RABGAP1L: variants seen among roughly 807,000 people sequenced by gnomAD.
The protein encoded by RABGAP1L is rab GTPase-activating protein 1-like.
RABGAP1L carries 63 observed loss-of-function variants against 137.7 expected under a neutral mutation model. The observed-to-expected ratio is 0.46, with a 90% CI of 0.37 to 0.56. RABGAP1L has a LOEUF of 0.56. RABGAP1L is among the 20% of genes least tolerant of loss of function. The pLI, the probability that RABGAP1L is intolerant of heterozygous loss-of-function variation, is 0.00. For synonymous variants in RABGAP1L, 431 were observed against 433.7 expected (o/e 0.99, Z 0.08); for missense variants, 1,095 against 1,244.0 (o/e 0.88, Z 1.80).
chr1:174,637,339 A>C (rs746122993), intron 13 of RABGAP1L, 36 bp from the exon 14 acceptor site: 4 of 1,453,270 alleles, frequency 2.8e-6, no homozygotes, highest in Non-Finnish European at 3.8e-6. Context: ...ACTGGGAAAA[A>C]ATTTAATAAC....
chr1:174,532,279 G>C (rs534041169), intron 13 of RABGAP1L, among the ~76,000 whole-genome samples: 67 of 151,850 alleles, frequency 4.4e-4, no homozygotes, highest in Non-Finnish European at 8.7e-4. Flanking sequence ...CACAGTCTCA[G>C]CTCACCGCAG....
intron 19 of RABGAP1L, among the ~76,000 whole-genome samples, chr1:174,892,896 A>ATTTTTTTTTTTTTTT (rs748971722): frequency 1.1e-5 from 1 of 91,866 alleles, no homozygotes; most frequent in Non-Finnish European, 2.0e-5. Context: ...CACCCAGCTA[A>ATTTTTTTTTTTTTTT]TTTTTTTTTT....
intron 20 of RABGAP1L, among the ~76,000 whole-genome samples, chr1:174,960,429 G>A (rs900339138): frequency 2.6e-5 from 4 of 151,950 alleles, no homozygotes; most frequent in African/African-American, 7.3e-5. Context: ...AGGTTATATC[G>A]CTGTAGTCAC....
intron 13 of RABGAP1L, among the ~76,000 whole-genome samples, chr1:174,513,388 G>A (rs903901872): frequency 5.3e-5 from 8 of 152,014 alleles, no homozygotes; most frequent in Admixed American, 1.3e-4. Context: ...CAGGAGGAAC[G>A]CTTGAGGCTA....
intron 11 of RABGAP1L, among the ~76,000 whole-genome samples, chr1:174,364,814 C>T (rs1342665377): frequency 6.6e-6 from 1 of 152,140 alleles, no homozygotes; most frequent in Non-Finnish European, 1.5e-5. Flanking sequence ...GGTGGTTGTT[C>T]AGGGCCCAAG....
chr1:174,838,386 A>G (rs574941439), intron 19 of RABGAP1L, among the ~76,000 whole-genome samples: 1 of 152,306 alleles, frequency 6.6e-6, no homozygotes, highest in Non-Finnish European at 1.5e-5. Context: ...AGCTAGATAC[A>G]TATAGATGGC....
At chr1:174,675,715 G>A (rs1484283426) in intron 14 of RABGAP1L, among the ~76,000 whole-genome samples, 3 of 152,098 alleles carry the variant, frequency 2.0e-5, no homozygotes. Flanking sequence ...CCATTACCTG[G>A]TTCTTAGATG....
intron 1 of RABGAP1L, among the ~76,000 whole-genome samples, chr1:174,193,777 T>G (rs1667374428): frequency 6.6e-6 from 1 of 152,170 alleles, no homozygotes; most frequent in Non-Finnish European, 1.5e-5. Flanking sequence ...CAACTGTACA[T>G]TAGTGAATAC....
At position 174,521,712 on chromosome 1, in the gene RABGAP1L, G is replaced by C. The variant is rs144335058; in HGVS notation, c.1711-115663G>C. On this transcript the variant is annotated intron_variant, in intron 13 of 25. Transcript: ENST00000681986. ...TTATAAGTTTGTAGTGGGGAAAACT[G>C]ACAAAAATCTGATGTATATATCAGC... Among the ~76,000 whole-genome samples the C allele has an allele frequency of 1.3e-3, 195 of 152,280 alleles. 1 individual carries two copies. Among genetic ancestry groups the C allele is most frequent in the African/African-American group, 4.6e-3 (191 of 41,562 alleles).
intron 19 of RABGAP1L, among the ~76,000 whole-genome samples, chr1:174,823,340 C>T (rs899514585): frequency 1.2e-4 from 18 of 152,194 alleles, no homozygotes; most frequent in African/African-American, 3.9e-4. Flanking sequence ...AACTTGTCTT[C>T]ACTATTGGGA....
chr1:174,219,410 ATGTTT>A, intron 2 of RABGAP1L, 115 bp downstream of exon 2: 1 of 733,778 alleles, frequency 1.4e-6, no homozygotes. Context: ...AATAAAATCA[ATGTTT>A]GATTTATCCA....
intron 14 of RABGAP1L, among the ~76,000 whole-genome samples, chr1:174,682,509 C>G (rs1678158228): frequency 6.7e-6 from 1 of 150,350 alleles, no homozygotes; most frequent in South Asian, 2.1e-4. Flanking sequence ...GCAACCAGTA[C>G]TATAAGTGTT....
At chr1:174,479,936 T>C (rs915958569) in intron 13 of RABGAP1L, among the ~76,000 whole-genome samples, 14 of 152,308 alleles carry the variant, frequency 9.2e-5, no homozygotes, top group Admixed American at 9.2e-4. Flanking sequence ...CTTGCTATTG[T>C]ATTTACTAAC....
At chr1:174,241,763 G>T in intron 5 of RABGAP1L, 106 bp downstream of exon 5, 2 of 1,016,682 alleles carry the variant, frequency 2.0e-6, no homozygotes, top group Non-Finnish European at 2.8e-6. Context: ...TTTGGAGTAT[G>T]TTTCTAAAGA....
intron 7 of RABGAP1L, among the ~76,000 whole-genome samples, chr1:174,258,789 G>GT (rs1673333472): frequency 6.7e-6 from 1 of 150,352 alleles, no homozygotes; most frequent in African/African-American, 2.4e-5. Flanking sequence ...TTTTTTGTTT[G>GT]TTTTTGGTGA....
intron 19 of RABGAP1L, among the ~76,000 whole-genome samples, chr1:174,886,303 C>T (rs1003459679): frequency 1.3e-5 from 2 of 152,184 alleles, no homozygotes; most frequent in Non-Finnish European, 2.9e-5. Flanking sequence ...TAAGCCACCG[C>T]GCCTGGCGAG....
intron 13 of RABGAP1L, among the ~76,000 whole-genome samples, chr1:174,486,884 GACTC>G (rs1659729390): frequency 1.3e-5 from 2 of 151,526 alleles, no homozygotes; most frequent in Admixed American, 6.6e-5. Flanking sequence ...TTTCCTTATT[GACTC>G]ACTCATCATT....
At chr1:174,364,479 C>T (rs1684440687) in intron 11 of RABGAP1L, among the ~76,000 whole-genome samples, 1 of 151,452 alleles carries the variant, frequency 6.6e-6, no homozygotes, top group Non-Finnish European at 1.5e-5. Context: ...TGGTCTCGAT[C>T]TCCTGACCTC....
chr1:174,400,096 C>A (rs568615516), intron 13 of RABGAP1L, among the ~76,000 whole-genome samples: 8 of 152,260 alleles, frequency 5.3e-5, no homozygotes, highest in African/African-American at 1.9e-4. Context: ...ATACAGCCAG[C>A]AGGCTAGGTG....
Sources: allele counts gnomAD v4.1 joint callset (sites outside exome capture counted in the v4.1 genomes callset), GRCh38; gene constraint gnomAD v4.1.1; transcripts MANE v1.5; gene names NCBI Gene and HGNC (gene_info 2026-07-23, HGNC 2026-07-21).